The following OXR1 variants were observed in gnomAD, a reference collection of about 807,000 sequenced individuals.
OXR1 encodes oxidation resistance 1.
Under a neutral mutation model 104.6 loss-of-function variants are expected in OXR1, and 41 were observed. That is an observed-to-expected ratio of 0.39 (90% CI 0.31 to 0.51). The LOEUF (loss-of-function observed/expected upper bound fraction) is 0.51, where lower values mean the gene tolerates loss of function less well. Ranked by LOEUF, OXR1 falls within the 20% of genes least tolerant of loss-of-function variation. The probability of loss-of-function intolerance (pLI) is 0.77; values close to 1 mark genes in which losing one functional copy is unlikely to be tolerated. For missense variants in OXR1, 955 were observed against 1,031.9 expected, an observed-to-expected ratio of 0.93 and a Z score of 1.02; for synonymous variants, 348 against 348.4, an observed-to-expected ratio of 1.00 and a Z score of 0.01.
intron 3 of OXR1, among the ~76,000 whole-genome samples, chr8:106,544,182 T>A (rs1369646068): frequency 6.6e-6 from 1 of 151,824 alleles, no homozygotes; most frequent in Admixed American, 6.6e-5. Context: ...CTCTTAATTG[T>A]AGAAAGGATA....
chr8:106,271,520 C>T (rs1811807822), intron 1 of OXR1, among the ~76,000 whole-genome samples: 4 of 151,982 alleles, frequency 2.6e-5, no homozygotes, highest in South Asian at 2.1e-4. Context: ...AAGTCTGCAG[C>T]GTGCAACTCG....
At chr8:106,543,981 G>A (rs1815153249) in intron 3 of OXR1, among the ~76,000 whole-genome samples, 1 of 152,180 alleles carries the variant, frequency 6.6e-6, no homozygotes, top group South Asian at 2.1e-4. Flanking sequence ...TGGTTTTCAA[G>A]CTTCTAACTC....
intron 2 of OXR1, among the ~76,000 whole-genome samples, chr8:106,487,339 C>CTTTTTTTT (rs71307062): frequency 7.7e-6 from 1 of 129,200 alleles, no homozygotes; most frequent in Non-Finnish European, 1.6e-5. Flanking sequence ...CCAGGTATTT[C>CTTTTTTTT]TTTTTTTTTT....
intron 3 of OXR1, among the ~76,000 whole-genome samples, chr8:106,572,460 T>G (rs977230894): frequency 3.3e-5 from 5 of 152,200 alleles, no homozygotes; most frequent in African/African-American, 1.2e-4. Context: ...ATATCCAAGC[T>G]CTTGCATCTA....
At chr8:106,603,530 G>A (rs923124873) in intron 3 of OXR1, among the ~76,000 whole-genome samples, 2 of 152,146 alleles carry the variant, frequency 1.3e-5, no homozygotes, top group Admixed American at 6.5e-5. Flanking sequence ...AGTTATGAGA[G>A]GTGTATTAAG....
chr8:106,696,345 G>A (rs1430699296), intron 7 of OXR1, among the ~76,000 whole-genome samples: 1 of 152,160 alleles, frequency 6.6e-6, no homozygotes, highest in African/African-American at 2.4e-5. Context: ...TCCACTGAGT[G>A]GATGTACTGT....
chr8:106,375,742 TAC>T (rs1251784974), intron 2 of OXR1, among the ~76,000 whole-genome samples: 5 of 152,180 alleles, frequency 3.3e-5, no homozygotes, highest in Non-Finnish European at 7.3e-5. Context: ...AGAGTGTGTA[TAC>T]AATATTGGTT....
intron 2 of OXR1, among the ~76,000 whole-genome samples, chr8:106,483,105 G>A (rs912843182): frequency 5.9e-5 from 9 of 151,876 alleles, no homozygotes; most frequent in African/African-American, 2.2e-4. Flanking sequence ...ATACCAATAG[G>A]TATATTGGTA....
chr8:106,649,795 C>T (rs977142464), intron 3 of OXR1, among the ~76,000 whole-genome samples: 2 of 152,050 alleles, frequency 1.3e-5, no homozygotes, highest in African/African-American at 2.4e-5. Flanking sequence ...CTCCCAGGTT[C>T]ACGCCATTCT....
At chr8:106,650,300 T>C (rs931316758) in intron 3 of OXR1, among the ~76,000 whole-genome samples, 11 of 152,332 alleles carry the variant, frequency 7.2e-5, no homozygotes, top group Admixed American at 5.2e-4. Context: ...AGTCAGTTAC[T>C]TTCCCATTAC....
chr8:106,280,795 A>G (rs2130494123), intron 1 of OXR1, among the ~76,000 whole-genome samples: 1 of 152,280 alleles, frequency 6.6e-6, no homozygotes, highest in East Asian at 1.9e-4. Context: ...AGAAGAAGAA[A>G]TTAGTGAAAA....
intron 2 of OXR1, among the ~76,000 whole-genome samples, chr8:106,484,734 T>C (rs911070313): frequency 2.0e-5 from 3 of 151,942 alleles, no homozygotes; most frequent in African/African-American, 7.2e-5. Context: ...TGCAAAATGG[T>C]ACAGCCACTT....
At chr8:106,596,374 A>G (rs920123202) in intron 3 of OXR1, among the ~76,000 whole-genome samples, 1 of 152,062 alleles carries the variant, frequency 6.6e-6, no homozygotes, top group African/African-American at 2.4e-5. Context: ...TGAACCCAGG[A>G]GGCATAGTTT....
intron 3 of OXR1, among the ~76,000 whole-genome samples, chr8:106,542,756 C>A (rs138135043): frequency 1.3e-5 from 2 of 151,858 alleles, no homozygotes; most frequent in Non-Finnish European, 2.9e-5. Flanking sequence ...GTAAATTTCT[C>A]ATTATTTAGC....
At chr8:106,535,756 T>G (rs917516554) in intron 3 of OXR1, among the ~76,000 whole-genome samples, 1 of 152,192 alleles carries the variant, frequency 6.6e-6, no homozygotes, top group African/African-American at 2.4e-5. Flanking sequence ...AATCCTCCCC[T>G]ACTCAACCTT....
chr8:106,658,672 A>G (rs1339540936), intron 3 of OXR1, among the ~76,000 whole-genome samples: 3 of 152,222 alleles, frequency 2.0e-5, no homozygotes, highest in African/African-American at 7.2e-5. Context: ...TTGTAAAATA[A>G]AACACTTCAT....
intron 3 of OXR1, among the ~76,000 whole-genome samples, chr8:106,523,994 T>C (rs772169847): frequency 1.3e-5 from 2 of 152,090 alleles, no homozygotes; most frequent in Non-Finnish European, 2.9e-5. Context: ...GCCAGGATGA[T>C]CTCGATCTCC....
chr8:106,351,981 T>C (rs1586556991), intron 1 of OXR1, among the ~76,000 whole-genome samples: 1 of 151,484 alleles, frequency 6.6e-6, no homozygotes, highest in East Asian at 1.9e-4. Context: ...CATCCAGGAG[T>C]TTCTGACACC....
At chr8:106,444,587 A>G (rs369105671) in intron 2 of OXR1, among the ~76,000 whole-genome samples, 2 of 152,130 alleles carry the variant, frequency 1.3e-5, no homozygotes, top group African/African-American at 4.8e-5. Flanking sequence ...TAACACAGGA[A>G]CAGCGAACCA....
Sources: gnomAD v4.1 joint callset for allele counts (sites outside exome capture counted in the v4.1 genomes callset) on GRCh38, gnomAD v4.1.1 for gene constraint, MANE v1.5 for transcripts, NCBI Gene and HGNC (gene_info 2026-07-23, HGNC 2026-07-21) for gene names.